SPG7: variants seen among roughly 807,000 people sequenced by gnomAD.
SPG7 encodes the protein SPG7 matrix AAA peptidase subunit, paraplegin.
SPG7 carries 103 observed loss-of-function variants against 81.9 expected under a neutral mutation model. The ratio of observed to expected loss-of-function variants is 1.26; its 90% CI spans 1.07 to 1.48. The LOEUF (loss-of-function observed/expected upper bound fraction) is 1.48. SPG7 is among the 40% of genes most tolerant of loss of function. The pLI, the probability that SPG7 is intolerant of heterozygous loss-of-function variation, is 0.00. For missense variants in SPG7, 1,241 were observed against 1,087.3 expected (o/e 1.14, Z -1.99); for synonymous variants, 534 against 444.2 (o/e 1.20, Z -2.54).
intron 3 of SPG7, chr16:89,516,726 G>T (rs897968445): frequency 6.6e-6 from 1 of 151,420 alleles, no homozygotes; most frequent in Non-Finnish European, 1.5e-5. Context: ...AAAATTAGGC[G>T]TGGTGGTGGG....
intron 13 of SPG7, chr16:89,552,533 C>G (rs1226218309): frequency 1.2e-5 from 3 of 240,174 alleles, no homozygotes; most frequent in South Asian, 5.1e-5. Flanking sequence ...CGCGCCACCT[C>G]CTTGCACACC....
chr16:89,522,475 T>C (rs2058200844), intron 3 of SPG7: 1 of 151,708 alleles, frequency 6.6e-6, no homozygotes, highest in South Asian at 2.1e-4. Flanking sequence ...GTTCTGGAAA[T>C]GACGTCGTTA....
chr16:89,531,541 T>G (rs2152403208), intron 7 of SPG7: 1 of 320,716 alleles, frequency 3.1e-6, no homozygotes, highest in Non-Finnish European at 6.1e-6. Context: ...GCACGGCTAA[T>G]TTTTGTATTT....
rs564444383 is a variant in SPG7 at position 89,557,512 on chromosome 16, A to T, written c.*419A>T. 22 of 245,690 alleles carry T rather than the reference A, an allele frequency of 9.0e-5. 1 individual carries two copies. The East Asian group carries it at 1.0e-3, about 12-fold the overall frequency. The allele number at this position is 245,690 out of a possible 1,614,324, so 15.2% of individuals were successfully genotyped here. A position where few individuals can be genotyped will look rare whatever the true frequency, so the allele number is the denominator to read the frequency against. On this transcript the variant is annotated 3_prime_UTR_variant, in exon 17 of 17. Transcript: ENST00000645818. ...CCTCGGAATGCTAAGGGGATCGGACATGAAAGGACCCTGTGAGCCGATTGT... is the reference window on the plus strand; with the variant it reads ...CCTCGGAATGCTAAGGGGATCGGACTTGAAAGGACCCTGTGAGCCGATTGT...
chr16:89,554,856 C>T lies in SPG7; in HGVS notation c.2181+293C>T, dbSNP rs146455385. 15 of 352,436 alleles carry T rather than the reference C, an allele frequency of 4.3e-5. No individual in the cohort carries two copies. In the East Asian group the frequency reaches 8.6e-4, roughly 20 times the overall value. 21.8% of individuals were successfully genotyped at this position (352,436 alleles called of 1,614,324 possible). A position where few individuals can be genotyped will look rare whatever the true frequency, so the allele number is the denominator to read the frequency against. Reference sequence around the variant, plus strand: ...AGTTTTGTTTAATCTTTTCCCAAGTCTTACACTTTTTTCTTGAACATTTTT... The same window carrying T: ...AGTTTTGTTTAATCTTTTCCCAAGTTTTACACTTTTTTCTTGAACATTTTT... On this transcript the variant is annotated intron_variant, in intron 16 of 16. Transcript: ENST00000645818.
intron 3 of SPG7, chr16:89,521,147 T>G (rs62070356): frequency 2.1e-3 from 324 of 152,318 alleles, no homozygotes; most frequent in Non-Finnish European, 3.7e-3. Context: ...TCTGTTGGCC[T>G]CCTTCTTGCC....
chr16:89,535,729 C>T (rs1198749173), intron 9 of SPG7, among the ~76,000 whole-genome samples: 1 of 152,242 alleles, frequency 6.6e-6, no homozygotes, highest in Non-Finnish European at 1.5e-5. Context: ...GAGAGCTGCC[C>T]TGTACCTCAA....
chr16:89,530,080 C>G (rs1051830013), intron 6 of SPG7: 1 of 269,564 alleles, frequency 3.7e-6, no homozygotes, highest in Admixed American at 5.1e-5. Context: ...CTCAGGTGAT[C>G]CTCCCGCCTC....
At chr16:89,534,859 T>C (rs979018590) in intron 9 of SPG7, among the ~76,000 whole-genome samples, 1 of 152,208 alleles carries the variant, frequency 6.6e-6, no homozygotes, top group African/African-American at 2.4e-5. Flanking sequence ...GCCCCCCCGA[T>C]GTGGATGTTT....
chr16:89,552,199 C>T (rs2058641939), intron 13 of SPG7: 1 of 152,626 alleles, frequency 6.6e-6, no homozygotes, highest in Non-Finnish European at 1.5e-5. Context: ...GCTGGGACTA[C>T]AGGCATGCCC....
At chr16:89,556,720 G>A in intron 16 of SPG7, 167 bp from the exon 17 acceptor site, 1 of 681,204 alleles carries the variant, frequency 1.5e-6, no homozygotes, top group Non-Finnish European at 2.7e-6. Context: ...AGATGGGGGT[G>A]ATTCTTCTTT....
intron 14 of SPG7, 51 bp downstream of exon 14, chr16:89,553,186 A>C (rs375547853): frequency 1.3e-6 from 2 of 1,539,238 alleles, no homozygotes; most frequent in African/African-American, 2.7e-5. Context: ...TTTTCCCTGC[A>C]TGACTCCTTC....
At chr16:89,514,172 C>T (rs761789106) in intron 3 of SPG7, among the ~76,000 whole-genome samples, 7 of 152,058 alleles carry the variant, frequency 4.6e-5, no homozygotes, top group Non-Finnish European at 1.0e-4. Context: ...GTTGGTTTTA[C>T]GGTAAGTGTC....
intron 11 of SPG7, 116 bp downstream of exon 11, chr16:89,546,876 C>T: frequency 4.0e-6 from 3 of 751,746 alleles, no homozygotes; most frequent in Admixed American, 1.9e-5. Context: ...TCTCTGGGGG[C>T]CTCTGCTCAG....
chr16:89,508,864 A>T, intron 1 of SPG7: 1 of 657,380 alleles, frequency 1.5e-6, no homozygotes, highest in Non-Finnish European at 2.8e-6. Context: ...TTGTGTGTGG[A>T]TGTTCTCCGC....
intron 7 of SPG7, chr16:89,531,636 A>G (rs1486162974): frequency 2.1e-6 from 1 of 477,426 alleles, no homozygotes; most frequent in African/African-American, 2.0e-5. Flanking sequence ...AGCCTCCCAA[A>G]ATGTTGGAAT....
intron 16 of SPG7, 32 bp downstream of exon 16, chr16:89,554,595 C>T (rs773538589): frequency 2.1e-5 from 31 of 1,506,050 alleles, no homozygotes; most frequent in Middle Eastern, 3.6e-4. Flanking sequence ...GGGGCTACGG[C>T]GTCACACAGT....
chr16:89,548,016 C>T lies in SPG7; in HGVS notation c.1566C>T (p.Ala522=). The T allele has an allele frequency of 6.2e-7, 1 of 1,612,936 alleles. No homozygotes were observed. ...LTPGFSGADI[A]NICNEAALHA... is the part of the protein sequence containing the mutation. ...TTGTGTTGACAGGGGCTGACATCGCCAACATCTGCAATGAGGCTGCGCTGC... is the reference window on the plus strand; with the variant it reads ...TTGTGTTGACAGGGGCTGACATCGCTAACATCTGCAATGAGGCTGCGCTGC... The change falls in exon 12 of 17, where the codon GCC becomes GCT. Residue 522 remains alanine, a synonymous_variant. Transcript: ENST00000645818.
chr16:89,517,980 T>C (rs951536961), intron 3 of SPG7: 1 of 152,232 alleles, frequency 6.6e-6, no homozygotes, highest in Non-Finnish European at 1.5e-5. Context: ...GAGAAAATAA[T>C]GTCTGTTAAA....
Sources: allele counts gnomAD v4.1 joint callset (sites outside exome capture counted in the v4.1 genomes callset), GRCh38; gene constraint gnomAD v4.1.1; transcripts MANE v1.5; gene names NCBI Gene and HGNC (gene_info 2026-07-23, HGNC 2026-07-21).